ZNF679: variants seen among roughly 807,000 people sequenced by gnomAD.
ZNF679 encodes zinc finger protein 679, also known as hypothetical protein MGC42415.
A neutral mutation model predicts 13.4 loss-of-function variants in ZNF679; 10 were observed. The ratio of observed to expected loss-of-function variants is 0.75; its 90% CI spans 0.46 to 1.27. ZNF679 has a LOEUF of 1.27. ZNF679 is among the 50% of genes most tolerant of loss of function. The pLI is 0.00. For missense variants in ZNF679, 525 were observed against 477.8 expected (o/e 1.10, Z -0.92); for synonymous variants, 179 against 162.5 (o/e 1.10, Z -0.77).
intron 1 of ZNF679, among the ~76,000 whole-genome samples, chr7:64,237,877 G>T (rs976221048): frequency 1.3e-5 from 2 of 152,060 alleles, no homozygotes; most frequent in Non-Finnish European, 2.9e-5. Flanking sequence ...TTCAGAAAAT[G>T]CCAATTGGAA....
chr7:64,256,079 C>G (rs1788001633), intron 2 of ZNF679, among the ~76,000 whole-genome samples: 1 of 152,100 alleles, frequency 6.6e-6, no homozygotes, highest in Admixed American at 6.6e-5. Context: ...TCTGACCCTC[C>G]ACGCTGAACT....
At chr7:64,264,665 T>C (rs1216623427) in intron 4 of ZNF679, among the ~76,000 whole-genome samples, 3 of 152,094 alleles carry the variant, frequency 2.0e-5, no homozygotes, top group Admixed American at 2.0e-4. Context: ...TGAAGATTTT[T>C]TTTCAGCACT....
intron 1 of ZNF679, among the ~76,000 whole-genome samples, chr7:64,233,123 C>T (rs372810116): frequency 6.6e-6 from 1 of 151,990 alleles, no homozygotes; most frequent in East Asian, 1.9e-4. Flanking sequence ...CACCTGTAAT[C>T]CCAGGTACTT....
At chr7:64,248,259 T>C (rs1251628606) in intron 1 of ZNF679, among the ~76,000 whole-genome samples, 1 of 151,864 alleles carries the variant, frequency 6.6e-6, no homozygotes, top group Non-Finnish European at 1.5e-5. Flanking sequence ...TCCCACCTGG[T>C]CTCTGCCCGG....
intron 1 of ZNF679, among the ~76,000 whole-genome samples, chr7:64,245,911 C>A (rs775409247): frequency 6.6e-6 from 1 of 152,160 alleles, no homozygotes; most frequent in Non-Finnish European, 1.5e-5. Context: ...GAGGCTGAGG[C>A]AGGAGAATCG....
intron 1 of ZNF679, among the ~76,000 whole-genome samples, chr7:64,240,632 C>T (rs543593104): frequency 1.3e-5 from 2 of 152,284 alleles, no homozygotes; most frequent in South Asian, 2.1e-4. Flanking sequence ...AAATCTCACA[C>T]ATAAATGCAA....
intron 1 of ZNF679, among the ~76,000 whole-genome samples, chr7:64,241,285 C>T (rs1210592857): frequency 6.6e-6 from 1 of 152,222 alleles, no homozygotes; most frequent in Non-Finnish European, 1.5e-5. Flanking sequence ...AGTCATCATT[C>T]CACCTGTAAG....
In ZNF679 at chr7:64,245,460, A is replaced by G. The variant is rs976534424; in HGVS notation, c.-90-3568A>G. ...GAGAGAGAGGGAGAGAGAGAGAGAGAGGGAGAGAGAGAGAAAGCATTGCTT... is the reference window on the plus strand; with the variant it reads ...GAGAGAGAGGGAGAGAGAGAGAGAGGGGGAGAGAGAGAGAAAGCATTGCTT... On this transcript the variant is annotated intron_variant, in intron 1 of 4. Coordinates refer to ENST00000421025, the MANE Select transcript of ZNF679 (RefSeq NM_153363.3). Among the ~76,000 whole-genome samples, 2 of 151,746 alleles carry G rather than the reference A, an allele frequency of 1.3e-5. 1 individual carries two copies. Among genetic ancestry groups the G allele is most frequent in the Admixed American group, 1.3e-4 (2 of 15,232 alleles).
intron 2 of ZNF679, among the ~76,000 whole-genome samples, chr7:64,254,992 T>C (rs1584234719): frequency 1.2e-5 from 1 of 86,598 alleles, no homozygotes; most frequent in African/African-American, 3.9e-5. Flanking sequence ...AGAGTGAGAC[T>C]CCATCTCAAA....
intron 1 of ZNF679, among the ~76,000 whole-genome samples, chr7:64,236,216 G>C (rs1217127787): frequency 1.3e-5 from 2 of 152,102 alleles, no homozygotes; most frequent in Non-Finnish European, 2.9e-5. Flanking sequence ...AGTGAGCTGA[G>C]ATTGAGCCAT....
chr7:64,263,212 C>T (rs1788101540), intron 4 of ZNF679, among the ~76,000 whole-genome samples: 1 of 152,100 alleles, frequency 6.6e-6, no homozygotes, highest in African/African-American at 2.4e-5. Context: ...CCACCTTGGC[C>T]TCCTGAGTGG....
At chr7:64,231,718 T>C (rs980422146) in intron 1 of ZNF679, among the ~76,000 whole-genome samples, 2 of 151,880 alleles carry the variant, frequency 1.3e-5, no homozygotes, top group Non-Finnish European at 2.9e-5. Flanking sequence ...CCCAGAGATA[T>C]GTAAAAATTT....
rs1478160770 is a variant in ZNF679 at position 64,266,699 on chromosome 7, G to T, written c.1066G>T (p.Glu356Ter). 1 of 1,613,180 alleles carries T rather than the reference G, an allele frequency of 6.2e-7. No individual in the cohort carries two copies. The highest frequency in any genetic ancestry group is 8.5e-7 in the Non-Finnish European group (1 of 1,179,606). Residue 356 changes from glutamate to a stop codon, truncating the protein, a stop_gained, in exon 5 of 5, where the codon GAA becomes TAA. Transcript: ENST00000421025. LOFTEE classifies it low-confidence loss of function (END_TRUNC). ...TGGAGAGAAACCCTACAAATGTAAA[G>T]AATGTGGGAAAGCCTTTGCCTTCTC... The part of the protein sequence containing the change: ...HTGEKPYKCK[E>*]CGKAFAFSST...
intron 4 of ZNF679, among the ~76,000 whole-genome samples, chr7:64,261,340 T>C (rs189525318): frequency 1.2e-4 from 19 of 152,284 alleles, no homozygotes; most frequent in Admixed American, 1.2e-3. Context: ...GTTGTCCGTT[T>C]TTCTGCACAT....
rs58349299 is a variant in ZNF679, at chr7:64,237,283, A to G, written c.-91+8631A>G. The stretch of plus-strand genomic sequence containing the variant: ...CTCTAGCAACAGAAGTAATTTCAGC[A>G]CAATTTCTGAAGGTGAAGCCTTGTC... On this transcript the variant is annotated intron_variant, in intron 1 of 4. Transcript: ENST00000421025. 1.0e-3 allele frequency among the ~76,000 whole-genome samples: 156 copies of G among 152,310 alleles called. 2 individuals are homozygous for G. The East Asian group carries it at 0.026, about 26-fold the overall frequency.
Position 64,251,178 on chromosome 7 carries a change from G to A in ZNF679, c.39+2022G>A, listed in dbSNP as rs1345177274. Reference sequence around the variant, plus strand: ...CACATAAGAAGAAAGCAGAGGTCAGGCGCAGTGGCTCACAACTATAATCCT... The same window carrying A: ...CACATAAGAAGAAAGCAGAGGTCAGACGCAGTGGCTCACAACTATAATCCT... On this transcript the variant is annotated intron_variant, in intron 2 of 4. Coordinates refer to ENST00000421025, the MANE Select transcript of ZNF679 (RefSeq NM_153363.3). Among the ~76,000 whole-genome samples, 3 of 152,208 alleles carry A rather than the reference G, an allele frequency of 2.0e-5. No homozygotes were observed. The East Asian group carries it at 5.8e-4, about 29-fold the overall frequency.
At chr7:64,263,291 G>A (rs1252602813) in intron 4 of ZNF679, among the ~76,000 whole-genome samples, 1 of 151,940 alleles carries the variant, frequency 6.6e-6, no homozygotes, top group Non-Finnish European at 1.5e-5. Context: ...GGGTCTCACT[G>A]TGTTCCCAAG....
At chr7:64,241,461 T>C (rs1292221842) in intron 1 of ZNF679, among the ~76,000 whole-genome samples, 1 of 152,166 alleles carries the variant, frequency 6.6e-6, no homozygotes, top group Non-Finnish European at 1.5e-5. Context: ...ACCTAGGTGG[T>C]GGGCCCAGCG....
chr7:64,246,493 C>T (rs1217836188), intron 1 of ZNF679, among the ~76,000 whole-genome samples: 1 of 152,008 alleles, frequency 6.6e-6, no homozygotes, highest in Non-Finnish European at 1.5e-5. Context: ...GAGGCAAAGG[C>T]GGGCAGATCA....
Sources: allele counts gnomAD v4.1 joint callset (sites outside exome capture counted in the v4.1 genomes callset), GRCh38; gene constraint gnomAD v4.1.1; transcripts MANE v1.5; gene names NCBI Gene and HGNC (gene_info 2026-07-23, HGNC 2026-07-21).